Variants in VWDE observed in about 807,000 individuals in gnomAD.
The protein encoded by VWDE is von Willebrand factor D and EGF domain-containing protein.
VWDE carries 207 observed loss-of-function variants against 178.4 expected under a neutral mutation model. The observed-to-expected ratio is 1.16, with a 90% confidence interval of 1.04 to 1.30. The LOEUF (loss-of-function observed/expected upper bound fraction) is 1.30. VWDE is among the 50% of genes most tolerant of loss of function. The probability of loss-of-function intolerance (pLI) is 0.00; values close to 1 mark genes in which losing one functional copy is unlikely to be tolerated. For synonymous variants in VWDE, 738 were observed against 651.4 expected, an observed-to-expected ratio of 1.13 and a Z score of -2.02; for missense variants, 2,287 against 1,901.3, an observed-to-expected ratio of 1.20 and a Z score of -3.77.
intron 19 of VWDE, among the ~76,000 whole-genome samples, chr7:12,347,756 A>G (rs982655973): frequency 1.3e-5 from 2 of 151,978 alleles, no homozygotes; most frequent in African/African-American, 2.4e-5. Context: ...AAAAGAGCCC[A>G]CATCGCCAAG....
chr7:12,340,676 G>A (rs866888338), intron 23 of VWDE, among the ~76,000 whole-genome samples: 12 of 152,276 alleles, frequency 7.9e-5, no homozygotes, highest in African/African-American at 2.2e-4. Flanking sequence ...TTAAAGTGGC[G>A]GTGTTTGTCC....
In VWDE at chr7:12,355,960, T is replaced by A. The variant is rs776076720; in HGVS notation, c.3745+151A>T. On this transcript the variant is annotated intron_variant, in intron 18 of 28. Coordinates refer to ENST00000275358, the MANE Select transcript of VWDE (RefSeq NM_001135924.3). ...ACTTGCAATTTACAAAAACAAGGGA[T>A]ATGGATAGTAATTATATTTGTAATA... 6.9e-4 allele frequency: 495 copies of A among 721,294 alleles called. 4 individuals carry two copies. Among genetic ancestry groups the A allele is most frequent in the Admixed American group, 3.9e-4 (13 of 33,482 alleles). 44.7% of individuals were successfully genotyped at this position (721,294 alleles called of 1,614,324 possible). A position where few individuals can be genotyped will look rare whatever the true frequency, so the allele number is the denominator to read the frequency against.
In VWDE at chr7:12,380,592, G is replaced by A; in HGVS notation, c.683C>T (p.Ser228Phe). ...KNSVGFHIAW[S>F]RLSSQEVKEE... ...TTTGACTTCTTGAGAAGAAAGCCTA[G>A]ACCAAGCTATGTGAAATCCCACTGA... Residue 228 changes from serine to phenylalanine, a missense_variant, in exon 5 of 29, where the codon TCT becomes TTT. By Grantham distance (155) the Ser-to-Phe change is radical (BLOSUM62 -2). Coordinates refer to ENST00000275358, the MANE Select transcript of VWDE (RefSeq NM_001135924.3). 1.9e-6 allele frequency: 3 copies of A among 1,552,252 alleles called. No homozygotes were observed. In the South Asian group the frequency reaches 3.6e-5, roughly 18 times the overall value.
chr7:12,402,532 T>C (rs1232125237), intron 1 of VWDE, among the ~76,000 whole-genome samples: 1 of 152,312 alleles, frequency 6.6e-6, no homozygotes, highest in South Asian at 2.1e-4. Flanking sequence ...AAAAGGGTTA[T>C]GCGGTCTATA....
chr7:12,354,555 A>T, intron 18 of VWDE: 1 of 261,230 alleles, frequency 3.8e-6, no homozygotes, highest in Non-Finnish European at 7.5e-6. Context: ...CAATTGTCTT[A>T]TTATATAACT....
chr7:12,398,172 C>T (rs1784714524), intron 1 of VWDE, among the ~76,000 whole-genome samples: 1 of 152,126 alleles, frequency 6.6e-6, no homozygotes, highest in African/African-American at 2.4e-5. Context: ...TGCCCATCAA[C>T]AGTAGATTGG....
At chr7:12,373,490 C>G (rs1411496062) in intron 9 of VWDE, among the ~76,000 whole-genome samples, 1 of 152,038 alleles carries the variant, frequency 6.6e-6, no homozygotes, top group Non-Finnish European at 1.5e-5. Context: ...TGTGTATGCA[C>G]GTGACCATCT....
intron 19 of VWDE, among the ~76,000 whole-genome samples, chr7:12,349,559 G>A (rs1781815750): frequency 6.6e-6 from 1 of 150,502 alleles, no homozygotes; most frequent in Non-Finnish European, 1.5e-5. Context: ...AGACAACACA[G>A]ATAAAGGCAA....
rs188642499 is a variant in VWDE, at chr7:12,376,614, T to C, written c.1024+1162A>G. On this transcript the variant is annotated intron_variant, in intron 7 of 28. Coordinates refer to ENST00000275358, the MANE Select transcript of VWDE (RefSeq NM_001135924.3). ...AAAACATCAATAACATCATCCTCTT[T>C]CTGTTCTCTCCATAAACTATAGTAA... Among the ~76,000 whole-genome samples, 518 of 152,228 alleles carry C rather than the reference T, an allele frequency of 3.4e-3. 3 individuals carry two copies. Among genetic ancestry groups the C allele is most frequent in the Non-Finnish European group, 5.1e-3 (344 of 67,978 alleles).
At chr7:12,371,610 C>T (rs1042839090) in intron 10 of VWDE, among the ~76,000 whole-genome samples, 16 of 151,918 alleles carry the variant, frequency 1.1e-4, no homozygotes, top group African/African-American at 3.9e-4. Context: ...TCTCTTTTTA[C>T]AAAAATGGTC....
chr7:12,389,463 A>C, intron 2 of VWDE, 105 bp from the exon 3 acceptor site: 1 of 817,686 alleles, frequency 1.2e-6, no homozygotes, highest in African/African-American at 1.7e-5. Context: ...AATATCATTA[A>C]TCATTAAAAA....
At chr7:12,402,167 G>C (rs1257484405) in intron 1 of VWDE, among the ~76,000 whole-genome samples, 1 of 152,176 alleles carries the variant, frequency 6.6e-6, no homozygotes, top group Non-Finnish European at 1.5e-5. Context: ...GCCGGCATGC[G>C]GCATGATAGC....
chr7:12,348,041 A>ATCCCTTCC lies in VWDE; in HGVS notation c.3886+3524_3886+3531dup, dbSNP rs1781709723. 3.9e-5 allele frequency among the ~76,000 whole-genome samples: 6 copies of ATCCCTTCC among 152,294 alleles called. No homozygotes were observed. In the South Asian group the frequency reaches 1.2e-3, roughly 32 times the overall value. ...GCCATATGTGGAAAGCTGAAACTGG[A>ATCCCTTCC]TCCCTTCCTTACACCTTATACAAAA... On this transcript the variant is annotated intron_variant, in intron 19 of 28. Coordinates refer to ENST00000275358, the MANE Select transcript of VWDE (RefSeq NM_001135924.3).
At chr7:12,391,878 G>A (rs1784406482) in intron 2 of VWDE, among the ~76,000 whole-genome samples, 1 of 152,112 alleles carries the variant, frequency 6.6e-6, no homozygotes, top group Non-Finnish European at 1.5e-5. Flanking sequence ...AGGGGCCAAT[G>A]GTAGTTGCAT....
Position 12,333,524 on chromosome 7 carries a change from G to GA in VWDE, c.4698dup (p.Pro1567SerfsTer9). ...TCAGTGCGGCAGGAACACACATTGG[G>GA]AAATATGCATCTGCCTCCATAAAGA... On this transcript the variant is annotated frameshift_variant, in exon 28 of 29. Transcript: ENST00000275358. LOFTEE classifies it high-confidence loss of function. 6.4e-7 allele frequency: 1 copy of GA among 1,551,198 alleles called. No homozygotes were observed. Among genetic ancestry groups the GA allele is most frequent in the Non-Finnish European group, 8.7e-7 (1 of 1,146,680 alleles).
intron 19 of VWDE, among the ~76,000 whole-genome samples, chr7:12,349,660 A>T (rs930353525): frequency 1.3e-5 from 2 of 151,956 alleles, no homozygotes; most frequent in African/African-American, 4.8e-5. Context: ...ACTCCTACAA[A>T]TCAATAAAAA....
At chr7:12,397,406 T>C (rs368382643) in intron 1 of VWDE, among the ~76,000 whole-genome samples, 1 of 152,100 alleles carries the variant, frequency 6.6e-6, no homozygotes, top group Admixed American at 6.6e-5. Context: ...TTTCACCATA[T>C]GCAAAAATTA....
intron 2 of VWDE, among the ~76,000 whole-genome samples, chr7:12,390,962 T>C (rs1784357704): frequency 6.6e-6 from 1 of 152,204 alleles, no homozygotes; most frequent in South Asian, 2.1e-4. Context: ...TTACTTATTA[T>C]AGCAAAATCC....
At chr7:12,363,000 T>C (rs1174163808) in intron 13 of VWDE, among the ~76,000 whole-genome samples, 2 of 152,146 alleles carry the variant, frequency 1.3e-5, no homozygotes, top group African/African-American at 2.4e-5. Context: ...AAATGAGGAA[T>C]ATACAGTGTT....
Sources: allele counts gnomAD v4.1 joint callset (sites outside exome capture counted in the v4.1 genomes callset), GRCh38; gene constraint gnomAD v4.1.1; transcripts MANE v1.5; gene names NCBI Gene and HGNC (gene_info 2026-07-23, HGNC 2026-07-21).